ARMC2: variants seen among roughly 807,000 people sequenced by gnomAD.
ARMC2 encodes the protein armadillo repeat containing 2.
ARMC2 carries 67 observed loss-of-function variants against 90.3 expected under a neutral mutation model. That is an observed-to-expected ratio of 0.74 (90% CI 0.61 to 0.91). The LOEUF (loss-of-function observed/expected upper bound fraction) is 0.91, where lower values mean the gene tolerates loss of function less well. Among genes scored for constraint, ARMC2 ranks in the 40% least tolerant of loss-of-function variants. ARMC2 has a pLI of 0.00. For missense variants in ARMC2, 920 were observed against 1,030.9 expected (o/e 0.89, Z 1.47); for synonymous variants, 393 against 393.0 (o/e 1.00, Z 0.00).
chr6:109,003,193 C>G, the ARMC2 span, among the ~76,000 whole-genome samples: 4 of 151,680 alleles, frequency 2.6e-5, no homozygotes, highest in South Asian at 4.2e-4. Flanking sequence ...AGGCCTATGT[C>G]CTATCTAGTG....
chr6:108,967,341 G>A (rs1224434321), intron 17 of ARMC2, among the ~76,000 whole-genome samples: 1 of 152,196 alleles, frequency 6.6e-6, no homozygotes, highest in East Asian at 1.9e-4. Flanking sequence ...TGTTACCCAA[G>A]CCTGGGGCAA....
chr6:108,858,084 A>C (rs961394250), intron 2 of ARMC2, 115 bp from the exon 3 acceptor site: 7 of 650,024 alleles, frequency 1.1e-5, no homozygotes, highest in Non-Finnish European at 1.5e-5. Context: ...GTTTTTCCTC[A>C]TGGTTTATGC....
At chr6:109,024,135 A>C in the ARMC2 span, among the ~76,000 whole-genome samples, 1 of 152,196 alleles carries the variant, frequency 6.6e-6, no homozygotes, top group Non-Finnish European at 1.5e-5. Context: ...AAAGATGTAA[A>C]ATAGATGTCA....
chr6:108,875,886 T>A (rs1460704809), intron 4 of ARMC2, among the ~76,000 whole-genome samples: 2 of 152,136 alleles, frequency 1.3e-5, no homozygotes, highest in African/African-American at 4.8e-5. Flanking sequence ...TGAAGTTGCG[T>A]GTTTGCCTTC....
the ARMC2 span, among the ~76,000 whole-genome samples, chr6:109,024,874 T>G: frequency 1.3e-5 from 2 of 152,210 alleles, no homozygotes; most frequent in Non-Finnish European, 2.9e-5. Context: ...GTCAAACAAT[T>G]GTTAAGTGGA....
At chr6:109,005,108 C>T in the ARMC2 span, among the ~76,000 whole-genome samples, 1 of 152,106 alleles carries the variant, frequency 6.6e-6, no homozygotes, top group Non-Finnish European at 1.5e-5. Flanking sequence ...TTGTGAAATG[C>T]CATACGTAAA....
chr6:108,981,657 A>AC, the ARMC2 span, among the ~76,000 whole-genome samples: 3 of 145,048 alleles, frequency 2.1e-5, no homozygotes, highest in Non-Finnish European at 3.1e-5. Flanking sequence ...GGATTTCCTT[A>AC]CTTTTTTTTT....
chr6:108,935,640 G>A (rs138923535), intron 11 of ARMC2, among the ~76,000 whole-genome samples: 2,777 of 151,782 alleles, frequency 0.018, 48 homozygotes, highest in East Asian at 0.091. Context: ...ACGGGGTTTC[G>A]CCATGTTAGC....
intron 10 of ARMC2, among the ~76,000 whole-genome samples, chr6:108,920,771 A>G (rs1444752192): frequency 6.6e-6 from 1 of 152,274 alleles, no homozygotes; most frequent in East Asian, 1.9e-4. Context: ...GTCACAGACC[A>G]TGTCTGTCCC....
chr6:108,870,972 G>A (rs1439837274), intron 4 of ARMC2, among the ~76,000 whole-genome samples: 3 of 152,214 alleles, frequency 2.0e-5, no homozygotes, highest in Non-Finnish European at 1.5e-5. Context: ...AGTGACTGTG[G>A]TGGGGTAATT....
chr6:108,997,451 A>G, the ARMC2 span, among the ~76,000 whole-genome samples: 1 of 152,176 alleles, frequency 6.6e-6, no homozygotes, highest in Admixed American at 6.5e-5. Flanking sequence ...GGTGAAACTG[A>G]TGGTCTTTGG....
At chr6:109,015,322 T>C in the ARMC2 span, among the ~76,000 whole-genome samples, 1 of 152,124 alleles carries the variant, frequency 6.6e-6, no homozygotes, top group South Asian at 2.1e-4. Context: ...CTGTGACTGC[T>C]CTCCTGCACT....
chr6:108,983,372 TC>T, the ARMC2 span, among the ~76,000 whole-genome samples: 1 of 152,222 alleles, frequency 6.6e-6, no homozygotes, highest in Non-Finnish European at 1.5e-5. Context: ...TGTGAAACTT[TC>T]CCCGTGTTTT....
At chr6:108,963,058 G>C (rs776892868) in intron 15 of ARMC2, among the ~76,000 whole-genome samples, 23 of 151,900 alleles carry the variant, frequency 1.5e-4, no homozygotes, top group Non-Finnish European at 2.5e-4. Flanking sequence ...GGAAAGAAAG[G>C]GATGTCCAAA....
At chr6:108,920,990 A>G (rs1180020562) in intron 10 of ARMC2, among the ~76,000 whole-genome samples, 2 of 152,108 alleles carry the variant, frequency 1.3e-5, no homozygotes, top group African/African-American at 2.4e-5. Flanking sequence ...GAGGAGAGCC[A>G]TTTGCTCTCA....
chr6:108,909,039 T>C (rs1202849328), intron 8 of ARMC2, among the ~76,000 whole-genome samples: 2 of 152,196 alleles, frequency 1.3e-5, no homozygotes, highest in African/African-American at 4.8e-5. Context: ...CCTTGCACTC[T>C]AAGCTGGGGA....
chr6:108,988,145 T>C, the ARMC2 span, among the ~76,000 whole-genome samples: 1 of 152,332 alleles, frequency 6.6e-6, no homozygotes, highest in South Asian at 2.1e-4. Context: ...ATCATGTTTC[T>C]TGGAGGTTTG....
rs1284311615 is a variant in ARMC2 at position 108,912,257 on chromosome 6, G to C, written c.1127-78G>C. 2.9e-5 allele frequency: 30 copies of C among 1,020,314 alleles called. 1 individual carries two copies. The highest frequency in any genetic ancestry group is 2.6e-5 in the Non-Finnish European group (18 of 702,256). The allele number at this position is 1,020,314 out of a possible 1,614,324, so 63.2% of individuals were successfully genotyped here. A position where few individuals can be genotyped will look rare whatever the true frequency, so the allele number is the denominator to read the frequency against. The stretch of plus-strand genomic sequence containing the variant: ...ATATATTTTACGAAGTGTATTTTAT[G>C]TTCACACACAAGTGCTTTAATATAT... On this transcript the variant is annotated intron_variant, in intron 9 of 17. Transcript: ENST00000392644.
At chr6:109,026,888 C>T in the ARMC2 span, among the ~76,000 whole-genome samples, 1 of 151,926 alleles carries the variant, frequency 6.6e-6, no homozygotes, top group Admixed American at 6.5e-5. Context: ...TATAAGACAT[C>T]TTCTGCCAGG....
Sources: gnomAD v4.1 joint callset for allele counts (sites outside exome capture counted in the v4.1 genomes callset) on GRCh38, gnomAD v4.1.1 for gene constraint, MANE v1.5 for transcripts, NCBI Gene and HGNC (gene_info 2026-07-23, HGNC 2026-07-21) for gene names.